The following CWF19L1 variants were observed in gnomAD, a reference collection of about 807,000 sequenced individuals.
CWF19L1 encodes CWF19-like protein 1.
A neutral mutation model predicts 69.7 loss-of-function variants in CWF19L1; 60 were observed. That is an observed-to-expected ratio of 0.86 (90% CI 0.70 to 1.07). The LOEUF is 1.07. Ranked by LOEUF, CWF19L1 falls within the 50% of genes least tolerant of loss-of-function variation. The pLI, the probability that CWF19L1 is intolerant of heterozygous loss-of-function variation, is 0.00. For synonymous variants in CWF19L1, 209 were observed against 222.2 expected (o/e 0.94, Z 0.53); for missense variants, 591 against 638.9 (o/e 0.92, Z 0.81).
At chr10:100,238,298 T>A in intron 10 of CWF19L1, 67 bp from the exon 11 acceptor site, 2 of 1,482,482 alleles carry the variant, frequency 1.3e-6, no homozygotes, top group Admixed American at 1.8e-5. Context: ...GAGAAAAACC[T>A]ATACAAAAAG....
intron 11 of CWF19L1, among the ~76,000 whole-genome samples, chr10:100,237,625 T>C (rs1209971961): frequency 6.6e-6 from 1 of 152,006 alleles, no homozygotes; most frequent in Non-Finnish European, 1.5e-5. Context: ...TATTAAATAT[T>C]TTACATATTA....
chr10:100,248,476 G>T, intron 7 of CWF19L1: 1 of 678,396 alleles, frequency 1.5e-6, no homozygotes, highest in South Asian at 1.6e-5. Context: ...TGCTGTTCTT[G>T]ACCATGTAAT....
At chr10:100,243,559 A>G in intron 10 of CWF19L1, 139 bp downstream of exon 10, 2 of 745,746 alleles carry the variant, frequency 2.7e-6, no homozygotes, top group Non-Finnish European at 2.3e-6. Context: ...TGATGGTGGC[A>G]TAACTCAGTA....
Position 100,238,111 on chromosome 10 carries a change from TA to T in CWF19L1, c.1164del (p.Tyr388Ter). 1.9e-6 allele frequency: 3 copies of T among 1,614,192 alleles called. No homozygotes were observed. The highest frequency in any genetic ancestry group is 2.5e-6 in the Non-Finnish European group (3 of 1,180,036). ...SAEVVEEVEKYKATLRRFFKS... is the reference protein window; with the variant it reads ...SAEVVEEVEKXKATLRRFFKS... ...TTAAAGAACCGTCTCAGAGTGGCCT[TA>T]TACTTCTCCACCTCTTCTACCACCT... is the stretch of plus-strand genomic sequence containing the variant. On this transcript the variant is annotated frameshift_variant, in exon 11 of 14. Transcript: ENST00000354105. LOFTEE classifies it high-confidence loss of function.
In CWF19L1 at chr10:100,253,572, C is replaced by T. The variant is rs375839223; in HGVS notation, c.505-33G>A. The T allele has an allele frequency of 6.7e-6, 8 of 1,200,270 alleles. No individual in the cohort carries two copies. In the African/African-American group the frequency reaches 1.1e-4, roughly 16 times the overall value. The allele number at this position is 1,200,270 out of a possible 1,614,324, so 74.4% of individuals were successfully genotyped here. On this transcript the variant is annotated intron_variant, in intron 5 of 13. Coordinates refer to ENST00000354105, the MANE Select transcript of CWF19L1 (RefSeq NM_018294.6). ...ACAAAAACTTAGTCATCCATACAGA[C>T]CAAAAGTTATCAAGAAATGCAAATA...
chr10:100,242,086 G>T (rs1288458819), intron 10 of CWF19L1, among the ~76,000 whole-genome samples: 4 of 152,112 alleles, frequency 2.6e-5, no homozygotes, highest in African/African-American at 9.7e-5. Context: ...CCAAGCAAAA[G>T]TATCTGGGGA....
chr10:100,256,607 C>A, intron 4 of CWF19L1, 131 bp from the exon 5 acceptor site: 3 of 681,268 alleles, frequency 4.4e-6, no homozygotes, highest in Non-Finnish European at 7.7e-6. Context: ...AACTCTCCAG[C>A]AGCTCCCTTC....
intron 1 of CWF19L1, among the ~76,000 whole-genome samples, chr10:100,265,669 C>T (rs1355298427): frequency 3.3e-5 from 5 of 151,908 alleles, no homozygotes; most frequent in Non-Finnish European, 7.4e-5. Context: ...TACAGGCGCC[C>T]GCTACCACAC....
chr10:100,251,004 C>CT (rs1839596330), intron 6 of CWF19L1, among the ~76,000 whole-genome samples: 1 of 151,688 alleles, frequency 6.6e-6, no homozygotes, highest in Admixed American at 6.6e-5. Context: ...GCTTCATTCA[C>CT]TTAACATAAA....
chr10:100,246,295 G>T (rs527451182), intron 8 of CWF19L1, among the ~76,000 whole-genome samples: 1 of 152,204 alleles, frequency 6.6e-6, no homozygotes. Flanking sequence ...AGATGAGAAG[G>T]CTGCTTGGAA....
At position 100,235,748 on chromosome 10, in the gene CWF19L1, G is replaced by T; in HGVS notation, c.1391C>A (p.Ala464Glu). 1 of 1,610,676 alleles carries T rather than the reference G, an allele frequency of 6.2e-7. No homozygotes were observed. The part of the protein sequence containing the change: ...SDIKQIAQPG[A>E]AYFYVELDTG... ...GTCAAGTTCAACATAAAAATATGCT[G>T]CTCCTGGCTGTGCAATCTAAAGTAA... Residue 464 changes from alanine to glutamate, a missense_variant, in exon 13 of 14, where the codon GCA (alanine) becomes GAA (glutamate). By Grantham distance (107) the Ala-to-Glu change is moderately radical (BLOSUM62 -1). Around this residue, in one of 3 missense-constraint regions of CWF19L1, gnomAD observed 458 missense variants for 489.3 expected, o/e 0.94. Transcript: ENST00000354105.
chr10:100,246,492 C>G (rs1047316772), intron 8 of CWF19L1, among the ~76,000 whole-genome samples: 1 of 152,150 alleles, frequency 6.6e-6, no homozygotes, highest in African/African-American at 2.4e-5. Context: ...GCTGCTAGAG[C>G]CTTGCCTAAA....
rs1215718318 is a variant in CWF19L1, at chr10:100,232,385, A to G, written c.*842T>C. ...CACAAGCTGTACTTGGAGCTGGATA[A>G]CAGACATAGGAGCTGGATGACAGAC... On this transcript the variant is annotated 3_prime_UTR_variant, in exon 14 of 14. Transcript: ENST00000354105. The G allele has an allele frequency of 6.6e-6, 1 of 152,284 alleles. No individual in the cohort carries two copies. The highest frequency in any genetic ancestry group is 2.4e-5 in the African/African-American group (1 of 41,460). The allele number at this position is 152,284 out of a possible 1,614,324, so 9.4% of individuals were successfully genotyped here.
At chr10:100,241,311 G>A (rs947906085) in intron 10 of CWF19L1, among the ~76,000 whole-genome samples, 5 of 152,030 alleles carry the variant, frequency 3.3e-5, no homozygotes, top group South Asian at 2.1e-4. Context: ...CACTGCACCC[G>A]GCCAAGACAT....
chr10:100,267,350 C>T, intron 1 of CWF19L1: 1 of 885,028 alleles, frequency 1.1e-6, no homozygotes, highest in Non-Finnish European at 1.4e-6. Flanking sequence ...TTCCGCCTCT[C>T]CGAACGAGCG....
chr10:100,261,273 A>G, intron 2 of CWF19L1, among the ~76,000 whole-genome samples: 1 of 152,200 alleles, frequency 6.6e-6, no homozygotes, highest in Non-Finnish European at 1.5e-5. Flanking sequence ...GAGATGGGTA[A>G]GAGAGAGTCA....
intron 4 of CWF19L1, among the ~76,000 whole-genome samples, chr10:100,259,306 A>C (rs754810311): frequency 2.0e-5 from 3 of 152,136 alleles, no homozygotes; most frequent in Non-Finnish European, 2.9e-5. Context: ...AAACAGCCAG[A>C]CATTGAAAGA....
intron 5 of CWF19L1, among the ~76,000 whole-genome samples, chr10:100,255,414 G>A (rs1342597533): frequency 1.3e-5 from 2 of 151,962 alleles, no homozygotes; most frequent in African/African-American, 4.8e-5. Flanking sequence ...GGAGGCTGAG[G>A]TGGGCAAATT....
intron 10 of CWF19L1, among the ~76,000 whole-genome samples, chr10:100,242,653 A>G (rs1443651623): frequency 6.0e-5 from 9 of 150,008 alleles, no homozygotes; most frequent in African/African-American, 2.3e-4. Flanking sequence ...CAACCTGGGC[A>G]ACAGAGCGAG....
Sources: allele counts gnomAD v4.1 joint callset (sites outside exome capture counted in the v4.1 genomes callset), GRCh38; gene constraint gnomAD v4.1.1; regional missense constraint gnomAD v4.1.1; transcripts MANE v1.5; gene names NCBI Gene and HGNC (gene_info 2026-07-23, HGNC 2026-07-21).